Variants in CNNM2 observed in about 807,000 individuals in gnomAD.
The protein encoded by CNNM2 is metal transporter CNNM2.
Under a neutral mutation model 66.9 loss-of-function variants are expected in CNNM2, and 12 were observed. The observed-to-expected ratio is 0.18, with a 90% CI of 0.11 to 0.29. The LOEUF (loss-of-function observed/expected upper bound fraction) is 0.29. Among genes scored for constraint, CNNM2 ranks in the 10% least tolerant of loss-of-function variants. The pLI, the probability that CNNM2 is intolerant of heterozygous loss-of-function variation, is 1.00. For missense variants in CNNM2, 705 were observed against 1,167.7 expected, an observed-to-expected ratio of 0.60 and a Z score of 5.77; for synonymous variants, 557 against 501.8, an observed-to-expected ratio of 1.11 and a Z score of -1.47.
At chr10:102,953,295 C>T (rs1439136029) in intron 1 of CNNM2, among the ~76,000 whole-genome samples, 4 of 152,116 alleles carry the variant, frequency 2.6e-5, no homozygotes, top group African/African-American at 7.2e-5. Context: ...CTCACTCTGT[C>T]GCCCAGGCTG....
chr10:103,039,193 G>A (rs1358655729), intron 1 of CNNM2, among the ~76,000 whole-genome samples: 2 of 151,964 alleles, frequency 1.3e-5, no homozygotes, highest in African/African-American at 4.8e-5. Flanking sequence ...CAGCCAGGCT[G>A]GAATGCATGG....
At chr10:102,987,112 A>G (rs1472300244) in intron 1 of CNNM2, among the ~76,000 whole-genome samples, 2 of 152,076 alleles carry the variant, frequency 1.3e-5, no homozygotes, top group Admixed American at 1.3e-4. Context: ...GCTGAAGGAG[A>G]ATGTTCAGAG....
intron 1 of CNNM2, among the ~76,000 whole-genome samples, chr10:103,008,778 C>CAAAAAAAAA (rs35992147): frequency 9.5e-6 from 1 of 105,750 alleles, no homozygotes; most frequent in Non-Finnish European, 1.8e-5. Context: ...GACCCTGTCT[C>CAAAAAAAAA]AAAAAAAAAA....
chr10:102,938,162 G>A (rs1463008292), intron 1 of CNNM2, among the ~76,000 whole-genome samples: 1 of 151,536 alleles, frequency 6.6e-6, no homozygotes, highest in Non-Finnish European at 1.5e-5. Flanking sequence ...TAGGCCGGGT[G>A]CGGTGGCACG....
At chr10:102,924,316 T>A (rs1480795828) in intron 1 of CNNM2, among the ~76,000 whole-genome samples, 1 of 152,226 alleles carries the variant, frequency 6.6e-6, no homozygotes, top group Admixed American at 6.5e-5. Context: ...TTGTAACCAG[T>A]TACTGTTTCA....
At chr10:103,006,669 C>G (rs1490514230) in intron 1 of CNNM2, among the ~76,000 whole-genome samples, 1 of 152,192 alleles carries the variant, frequency 6.6e-6, no homozygotes, top group Non-Finnish European at 1.5e-5. Flanking sequence ...CTCTGTCACC[C>G]AGGCTGGAGT....
chr10:103,050,809 C>T (rs1482513076), intron 2 of CNNM2, among the ~76,000 whole-genome samples: 1 of 152,000 alleles, frequency 6.6e-6, no homozygotes, highest in Non-Finnish European at 1.5e-5. Context: ...GTATGGATAC[C>T]TTATTTGCCC....
chr10:102,971,247 TAAAAAAAAAAAAAAGAAA>T (rs1314558947), intron 1 of CNNM2, among the ~76,000 whole-genome samples: 4 of 78,680 alleles, frequency 5.1e-5, no homozygotes, highest in Admixed American at 2.9e-4. Flanking sequence ...ACCTCGTCCC[TAAAAAAAAAAAAAAGAAA>T]AAAAAAAAAG....
rs1554889969 is a variant in CNNM2 at position 102,940,000 on chromosome 10, CAAA to C, written c.1621+19907_1621+19909del. Among the ~76,000 whole-genome samples the C allele has an allele frequency of 3.7e-5, 4 of 107,634 alleles. No individual in the cohort carries two copies. The highest frequency in any genetic ancestry group is 4.5e-5 in the Non-Finnish European group (2 of 44,942). The allele number at this position is 107,634 out of a possible 152,430, so 70.6% of individuals were successfully genotyped here. On this transcript the variant is annotated intron_variant, in intron 1 of 7. Transcript: ENST00000369878. ...AAACAAACAACAACAACAACAACAA[CAAA>C]AAAAAAACCGCCATGTAGGAGACGG...
chr10:103,066,757 G>A (rs2065485277), intron 4 of CNNM2, among the ~76,000 whole-genome samples: 1 of 152,228 alleles, frequency 6.6e-6, no homozygotes. Context: ...TGTGTGCCAT[G>A]TGGGCTGTTG....
chr10:103,076,904 TGGA>T, intron 7 of CNNM2, 64 bp from the exon 8 acceptor site: 1 of 1,414,646 alleles, frequency 7.1e-7, no homozygotes, highest in South Asian at 1.2e-5. Flanking sequence ...ATTGAACGTG[TGGA>T]GATCAGAGAA....
intron 1 of CNNM2, among the ~76,000 whole-genome samples, chr10:102,979,406 A>G (rs1244327459): frequency 1.3e-5 from 2 of 152,114 alleles, no homozygotes; most frequent in African/African-American, 4.8e-5. Context: ...AGCTGCCCCC[A>G]CTACCTCATT....
chr10:103,015,129 T>C (rs546340689), intron 1 of CNNM2, among the ~76,000 whole-genome samples: 1 of 152,308 alleles, frequency 6.6e-6, no homozygotes, highest in African/African-American at 2.4e-5. Flanking sequence ...ATACAACTTA[T>C]ACAAATATAT....
At chr10:103,031,840 G>T (rs915374062) in intron 1 of CNNM2, among the ~76,000 whole-genome samples, 2 of 17,050 alleles carry the variant, frequency 1.2e-4, no homozygotes, top group African/African-American at 2.4e-4. Context: ...ACAAAATGCG[G>T]GGGGGGCGTG....
At position 103,017,703 on chromosome 10, in the gene CNNM2, C is replaced by A. The variant is rs181394816; in HGVS notation, c.1622-32004C>A. Among the ~76,000 whole-genome samples the A allele has an allele frequency of 2.6e-5, 4 of 152,256 alleles. No individual in the cohort carries two copies. Among genetic ancestry groups the A allele is most frequent in the East Asian group, 3.9e-4 (2 of 5,166 alleles). On this transcript the variant is annotated intron_variant, in intron 1 of 7. Coordinates refer to ENST00000369878, the MANE Select transcript of CNNM2 (RefSeq NM_017649.5). ...AAGCCAGGCTGGGCACAGTGACTCA[C>A]ACCTGTAATCCCAGCACTTTGGGAG... is the stretch of plus-strand genomic sequence containing the variant.
intron 1 of CNNM2, among the ~76,000 whole-genome samples, chr10:102,976,628 T>G (rs1483344120): frequency 5.1e-5 from 6 of 118,116 alleles, no homozygotes; most frequent in Non-Finnish European, 9.0e-5. Flanking sequence ...TTTTTTTTTT[T>G]TTTTTTTTTT....
At chr10:103,067,898 C>G (rs1434780340) in intron 4 of CNNM2, among the ~76,000 whole-genome samples, 1 of 152,194 alleles carries the variant, frequency 6.6e-6, no homozygotes, top group East Asian at 1.9e-4. Flanking sequence ...ATTTAAGTGC[C>G]TCCAGGAGTG....
chr10:102,993,791 T>TTTCC lies in CNNM2; in HGVS notation c.1622-55903_1622-55900dup, dbSNP rs1221829577. Among the ~76,000 whole-genome samples the TTTCC allele has an allele frequency of 7.2e-5, 11 of 152,212 alleles. No individual in the cohort carries two copies. The South Asian group carries it at 1.0e-3, about 14-fold the overall frequency. On this transcript the variant is annotated intron_variant, in intron 1 of 7. Transcript: ENST00000369878. ...TCATTAAAAATTTTCAGGGTATACT[T>TTTCC]TTCCTTCCTTCCTTCCCAGAGCCTC...
intron 1 of CNNM2, among the ~76,000 whole-genome samples, chr10:102,992,150 C>T (rs1341387863): frequency 1.3e-5 from 2 of 151,956 alleles, no homozygotes; most frequent in South Asian, 2.1e-4. Context: ...TTTCTGAGTA[C>T]AGGAATCACA....
Sources: allele counts gnomAD v4.1 joint callset (sites outside exome capture counted in the v4.1 genomes callset), GRCh38; gene constraint gnomAD v4.1.1; transcripts MANE v1.5; gene names NCBI Gene and HGNC (gene_info 2026-07-23, HGNC 2026-07-21).